GALNT14: variants seen among roughly 807,000 people sequenced by gnomAD.
The protein encoded by GALNT14 is polypeptide N-acetylgalactosaminyltransferase 14, also known as UDP-GalNAc:polypeptide N-acetylgalactosaminyltransferase 14.
Under a neutral mutation model 77.5 loss-of-function variants are expected in GALNT14, and 60 were observed. The observed-to-expected ratio is 0.77, with a 90% CI of 0.63 to 0.96. The LOEUF is 0.96. GALNT14 is among the 40% of genes least tolerant of loss of function. The pLI is 0.00. For missense variants in GALNT14, 710 were observed against 731.0 expected (o/e 0.97, Z 0.33); for synonymous variants, 280 against 281.7 (o/e 0.99, Z 0.06).
chr2:30,899,827 C>T, the GALNT14 span, among the ~76,000 whole-genome samples: 2 of 152,180 alleles, frequency 1.3e-5, no homozygotes, highest in Non-Finnish European at 2.9e-5. Flanking sequence ...GTCCACAGAC[C>T]ACGAGGGAGC....
At chr2:30,970,830 CT>C (rs1416455615) in intron 2 of GALNT14, among the ~76,000 whole-genome samples, 2 of 152,174 alleles carry the variant, frequency 1.3e-5, no homozygotes, top group African/African-American at 4.8e-5. Flanking sequence ...CCTGCCCCTG[CT>C]CACAGCTCAG....
chr2:30,909,291 A>C (rs1221031374), downstream of GALNT14, among the ~76,000 whole-genome samples: 6 of 150,452 alleles, frequency 4.0e-5, no homozygotes, highest in African/African-American at 1.5e-4. Flanking sequence ...AATGGGAGAA[A>C]ATTTTCGCAA....
intron 3 of GALNT14, among the ~76,000 whole-genome samples, chr2:30,965,811 A>AC (rs76645875): frequency 1 from 152,127 of 152,132 alleles, 76,061 homozygotes; most frequent in Middle Eastern, 1. Flanking sequence ...CTGGGTGCTG[A>AC]CCCAGCCTGA....
At chr2:31,016,552 C>T (rs1422876657) in intron 1 of GALNT14, among the ~76,000 whole-genome samples, 1 of 152,082 alleles carries the variant, frequency 6.6e-6, no homozygotes, top group Non-Finnish European at 1.5e-5. Flanking sequence ...GAACTCCTTC[C>T]ACTGGGCCTG....
chr2:31,041,921 G>T (rs1313832319), intron 1 of GALNT14, among the ~76,000 whole-genome samples: 1 of 152,130 alleles, frequency 6.6e-6, no homozygotes, highest in African/African-American at 2.4e-5. Context: ...GATATCAAGA[G>T]AGAAACTTGA....
At chr2:30,905,323 G>A in the GALNT14 span, among the ~76,000 whole-genome samples, 8 of 151,884 alleles carry the variant, frequency 5.3e-5, no homozygotes, top group Non-Finnish European at 8.8e-5. Flanking sequence ...AAAAAATTTA[G>A]AAGAATGTAT....
At chr2:31,050,715 C>T (rs1172965372) in intron 1 of GALNT14, among the ~76,000 whole-genome samples, 1 of 151,794 alleles carries the variant, frequency 6.6e-6, no homozygotes, top group Non-Finnish European at 1.5e-5. Flanking sequence ...ATGGAAACTC[C>T]CTAGTCTCTT....
At position 31,111,521 on chromosome 2, in the gene GALNT14, CT is replaced by C. The variant is rs371622695; in HGVS notation, c.129+26436del. Among the ~76,000 whole-genome samples the C allele has an allele frequency of 4.8e-3, 724 of 152,306 alleles. 4 individuals carry two copies. Among genetic ancestry groups the C allele is most frequent in the African/African-American group, 0.016 (676 of 41,556 alleles). Reference sequence around the variant, plus strand: ...CTAGGGATACTTTCCTATAAGCCCCCTGTGTGGCTTTTACCCATGGCTTTAA... The same window carrying C: ...CTAGGGATACTTTCCTATAAGCCCCCGTGTGGCTTTTACCCATGGCTTTAA... On this transcript the variant is annotated intron_variant, in intron 1 of 14. Coordinates refer to ENST00000349752, the MANE Select transcript of GALNT14 (RefSeq NM_024572.4).
At chr2:31,111,666 T>C (rs1304980862) in intron 1 of GALNT14, among the ~76,000 whole-genome samples, 1 of 152,216 alleles carries the variant, frequency 6.6e-6, no homozygotes, top group East Asian at 1.9e-4. Flanking sequence ...CAGTCTGACA[T>C]GCATCATCCC....
At chr2:30,963,629 C>T (rs1304173895) in intron 3 of GALNT14, among the ~76,000 whole-genome samples, 1 of 152,074 alleles carries the variant, frequency 6.6e-6, no homozygotes, top group African/African-American at 2.4e-5. Flanking sequence ...CCCAGAGGAA[C>T]GTTTATTGTA....
intron 6 of GALNT14, among the ~76,000 whole-genome samples, chr2:30,951,792 C>A (rs148596220): frequency 1.3e-5 from 2 of 152,278 alleles, no homozygotes; most frequent in African/African-American, 4.8e-5. Context: ...GCAGAGAGCT[C>A]CTGGGTTCAG....
At chr2:31,028,571 C>T (rs778778478) in intron 1 of GALNT14, among the ~76,000 whole-genome samples, 16 of 152,362 alleles carry the variant, frequency 1.1e-4, no homozygotes, top group African/African-American at 2.4e-4. Flanking sequence ...CCACACATAA[C>T]GGTGTGTCAG....
chr2:30,951,783 C>A (rs1439056597), intron 6 of GALNT14, among the ~76,000 whole-genome samples: 1 of 152,194 alleles, frequency 6.6e-6, no homozygotes, highest in Non-Finnish European at 1.5e-5. Flanking sequence ...CAGCTCTGGG[C>A]AGAGAGCTCC....
At chr2:31,014,275 A>G (rs1465816873) in intron 1 of GALNT14, among the ~76,000 whole-genome samples, 1 of 152,214 alleles carries the variant, frequency 6.6e-6, no homozygotes, top group East Asian at 1.9e-4. Context: ...TTCCTCCCCA[A>G]AAAAGGCAAG....
intron 1 of GALNT14, among the ~76,000 whole-genome samples, chr2:31,097,524 C>CAAA (rs56242365): frequency 5.8e-5 from 8 of 137,278 alleles, no homozygotes; most frequent in Non-Finnish European, 6.4e-5. Context: ...AACAAACAAG[C>CAAA]AAAAAAAAAA....
chr2:31,109,091 C>T (rs1040283056), intron 1 of GALNT14, among the ~76,000 whole-genome samples: 1 of 152,220 alleles, frequency 6.6e-6, no homozygotes, highest in African/African-American at 2.4e-5. Flanking sequence ...TTCCCAGATT[C>T]CAACCCCTAA....
chr2:31,057,399 G>A (rs1437584390), intron 1 of GALNT14, among the ~76,000 whole-genome samples: 1 of 131,792 alleles, frequency 7.6e-6, no homozygotes, highest in African/African-American at 2.9e-5. Context: ...TATATACACA[G>A]CTGTTGCAGG....
At chr2:30,992,718 G>A in intron 2 of GALNT14, 120 bp downstream of exon 2, 3 of 1,125,498 alleles carry the variant, frequency 2.7e-6, no homozygotes, top group East Asian at 2.4e-5. Flanking sequence ...GTGTTCAACT[G>A]GCAGCAGATG....
intron 1 of GALNT14, among the ~76,000 whole-genome samples, chr2:31,110,748 G>T (rs1487172451): frequency 6.6e-6 from 1 of 152,110 alleles, no homozygotes; most frequent in African/African-American, 2.4e-5. Context: ...AAACTGGGGG[G>T]AATTAATGTA....
Sources: allele counts gnomAD v4.1 joint callset (sites outside exome capture counted in the v4.1 genomes callset), GRCh38; gene constraint gnomAD v4.1.1; transcripts MANE v1.5; gene names NCBI Gene and HGNC (gene_info 2026-07-23, HGNC 2026-07-21).